The following DSCAML1 variants were observed in gnomAD, a reference collection of about 807,000 sequenced individuals.
The protein encoded by DSCAML1 is cell adhesion molecule DSCAML1.
DSCAML1 carries 38 observed loss-of-function variants against 200.5 expected under a neutral mutation model. The ratio of observed to expected loss-of-function variants is 0.19; its 90% confidence interval spans 0.15 to 0.25. DSCAML1 has a LOEUF of 0.25. Among genes scored for constraint, DSCAML1 ranks in the 10% least tolerant of loss-of-function variants. DSCAML1 has a pLI of 1.00. For synonymous variants in DSCAML1, 1,215 were observed against 1,165.0 expected, an observed-to-expected ratio of 1.04 and a Z score of -0.87; for missense variants, 2,223 against 2,858.8, an observed-to-expected ratio of 0.78 and a Z score of 5.07.
intron 3 of DSCAML1, among the ~76,000 whole-genome samples, chr11:117,596,403 A>T (rs1298943065): frequency 6.7e-6 from 1 of 150,264 alleles, no homozygotes; most frequent in East Asian, 1.9e-4. Flanking sequence ...AAAAAAAAAA[A>T]TCTCAGTAGG....
intron 3 of DSCAML1, among the ~76,000 whole-genome samples, chr11:117,539,120 C>G (rs2050218631): frequency 6.6e-6 from 1 of 152,188 alleles, no homozygotes; most frequent in Non-Finnish European, 1.5e-5. Flanking sequence ...TTTCCCAAAA[C>G]TCTACGGCAG....
intron 3 of DSCAML1, among the ~76,000 whole-genome samples, chr11:117,607,648 G>A (rs149240426): frequency 3.3e-4 from 51 of 152,330 alleles, no homozygotes; most frequent in African/African-American, 1.2e-3. Flanking sequence ...TACGCATTAG[G>A]TGGAAGGGCC....
intron 3 of DSCAML1, among the ~76,000 whole-genome samples, chr11:117,535,902 G>C (rs899548433): frequency 2.7e-5 from 3 of 112,938 alleles, no homozygotes; most frequent in African/African-American, 1.0e-4. Context: ...AACTAGGGGT[G>C]GGGGGTGGGG....
At chr11:117,529,869 A>C (rs558256293) in intron 4 of DSCAML1, among the ~76,000 whole-genome samples, 8 of 151,350 alleles carry the variant, frequency 5.3e-5, no homozygotes, top group African/African-American at 1.9e-4. Context: ...CACAGTGCCA[A>C]CCCCCTCGGC....
chr11:117,482,186 C>T (rs777168460), intron 11 of DSCAML1, 24 bp from the exon 12 acceptor site: 74 of 1,612,990 alleles, frequency 4.6e-5, no homozygotes, highest in Admixed American at 1.0e-4. Context: ...GCAGAGAAGG[C>T]CCAGTGAAGG....
chr11:117,537,894 T>C (rs1046782287), intron 3 of DSCAML1, among the ~76,000 whole-genome samples: 7 of 152,188 alleles, frequency 4.6e-5, no homozygotes, highest in Non-Finnish European at 7.3e-5. Context: ...ATTTTGGACT[T>C]CCAGTCTCCA....
rs953894737 is a variant in DSCAML1 at position 117,498,182 on chromosome 11, C to T, written c.2359+5663G>A. On this transcript the variant is annotated intron_variant, in intron 11 of 32. Coordinates refer to ENST00000651296, the MANE Select transcript of DSCAML1 (RefSeq NM_020693.4). This position sits in a 1 kb window ranked among gnomAD's most constrained non-coding sequence, Gnocchi z 4.0. ...CGAGATAGGACCCACCACCGGGGAA[C>T]ACACAGGAATATCTTGGGCCAGTTG... Among the ~76,000 whole-genome samples, 2 of 152,254 alleles carry T rather than the reference C, an allele frequency of 1.3e-5. No homozygotes were observed. The highest frequency in any genetic ancestry group is 2.9e-5 in the Non-Finnish European group (2 of 68,050).
chr11:117,716,403 C>A (rs902505335), intron 3 of DSCAML1, among the ~76,000 whole-genome samples: 3 of 152,138 alleles, frequency 2.0e-5, no homozygotes, highest in Non-Finnish European at 4.4e-5. Context: ...CAGCTTGAAG[C>A]GGGTCACCAA....
At chr11:117,560,127 G>A (rs904912310) in intron 3 of DSCAML1, among the ~76,000 whole-genome samples, 4 of 152,090 alleles carry the variant, frequency 2.6e-5, no homozygotes, top group African/African-American at 9.7e-5. Context: ...ACTTTGACCA[G>A]GGACACAGTG....
intron 1 of DSCAML1, among the ~76,000 whole-genome samples, chr11:117,804,535 C>G (rs1285485897): frequency 1.3e-5 from 2 of 152,216 alleles, no homozygotes; most frequent in African/African-American, 4.8e-5. Context: ...TACCGCAGGC[C>G]CCCACACCTT....
At chr11:117,755,189 T>C (rs576044211) in intron 3 of DSCAML1, among the ~76,000 whole-genome samples, 31 of 152,306 alleles carry the variant, frequency 2.0e-4, no homozygotes, top group Admixed American at 2.0e-3. Flanking sequence ...TCCTTCTCTA[T>C]GGATCCCCTA....
chr11:117,488,980 G>A (rs2049136018), intron 11 of DSCAML1, among the ~76,000 whole-genome samples: 1 of 152,254 alleles, frequency 6.6e-6, no homozygotes, highest in South Asian at 2.1e-4. Context: ...TGAGCTGGAT[G>A]CCTCTGCCTT....
intron 3 of DSCAML1, among the ~76,000 whole-genome samples, chr11:117,583,056 T>C (rs538647493): frequency 1.3e-5 from 2 of 148,696 alleles, no homozygotes; most frequent in East Asian, 2.0e-4. Flanking sequence ...GATGAGAACA[T>C]TGAGGCCCAG....
At chr11:117,604,597 GTTTA>G (rs932470860) in intron 3 of DSCAML1, among the ~76,000 whole-genome samples, 2 of 152,212 alleles carry the variant, frequency 1.3e-5, no homozygotes, top group Non-Finnish European at 2.9e-5. Flanking sequence ...CATTGCTGTT[GTTTA>G]TTTATTCATG....
intron 3 of DSCAML1, among the ~76,000 whole-genome samples, chr11:117,617,552 C>T (rs1007321542): frequency 6.6e-6 from 1 of 152,076 alleles, no homozygotes; most frequent in Non-Finnish European, 1.5e-5. Context: ...ATAGTCTGCG[C>T]AATTAACAAT....
Position 117,681,356 on chromosome 11 carries a change from C to T in DSCAML1, c.511+95435G>A, listed in dbSNP as rs146777851. On this transcript the variant is annotated intron_variant, in intron 3 of 32. Transcript: ENST00000651296. ...TCAAAAAAATCTGCATTTTAACAAG[C>T]GCTCTGGGTGATTCTTACGTGCATT... Among the ~76,000 whole-genome samples, 155 of 152,318 alleles carry T rather than the reference C, an allele frequency of 1.0e-3. 3 individuals are homozygous for T. The East Asian group carries it at 0.026, about 25-fold the overall frequency.
intron 3 of DSCAML1, among the ~76,000 whole-genome samples, chr11:117,676,457 C>T (rs2053215455): frequency 1.3e-5 from 2 of 152,228 alleles, no homozygotes; most frequent in East Asian, 3.8e-4. Flanking sequence ...GGTTTCTCCT[C>T]CAGTCGCCTT....
In DSCAML1 at chr11:117,450,791, T is replaced by G; in HGVS notation, c.3569-103A>C. 7 of 1,387,284 alleles carry G rather than the reference T, an allele frequency of 5.0e-6. No homozygotes were observed. The South Asian group carries it at 1.0e-4, about 20-fold the overall frequency. The allele number at this position is 1,387,284 out of a possible 1,614,324, so 85.9% of individuals were successfully genotyped here. A position where few individuals can be genotyped will look rare whatever the true frequency, so the allele number is the denominator to read the frequency against. ...GGAGGCAGATCAATCTGGGAGAGCT[T>G]CTTGGAGGTGGCATCCTTGAGCTGT... On this transcript the variant is annotated intron_variant, in intron 19 of 32. Coordinates refer to ENST00000651296, the MANE Select transcript of DSCAML1 (RefSeq NM_020693.4).
chr11:117,664,883 C>G (rs751271700), intron 3 of DSCAML1, among the ~76,000 whole-genome samples: 1 of 152,226 alleles, frequency 6.6e-6, no homozygotes, highest in Non-Finnish European at 1.5e-5. Flanking sequence ...TACCTTGTCC[C>G]TTTCACGGCC....
Sources: allele counts gnomAD v4.1 joint callset (sites outside exome capture counted in the v4.1 genomes callset), GRCh38; gene constraint gnomAD v4.1.1; non-coding constraint Gnocchi (gnomAD v3.1); transcripts MANE v1.5; gene names NCBI Gene and HGNC (gene_info 2026-07-23, HGNC 2026-07-21).